The following MON2 variants were observed in gnomAD, a reference collection of about 807,000 sequenced individuals.
MON2 encodes the protein MON2 regulator of endosome-to-Golgi trafficking, also known as protein MON2 homolog.
MON2 carries 84 observed loss-of-function variants against 208.6 expected under a neutral mutation model. The observed-to-expected ratio is 0.40, with a 90% CI of 0.34 to 0.48. MON2 has a LOEUF of 0.48. MON2 is among the 20% of genes least tolerant of loss of function. MON2 has a pLI of 0.59. For synonymous variants in MON2, 660 were observed against 694.0 expected (o/e 0.95, Z 0.77); for missense variants, 1,611 against 2,015.4 (o/e 0.80, Z 3.84).
At chr12:62,473,453 T>G (rs2135953170) in intron 1 of MON2, among the ~76,000 whole-genome samples, 1 of 152,346 alleles carries the variant, frequency 6.6e-6, no homozygotes, top group East Asian at 1.9e-4. Context: ...TTGTTTACCT[T>G]GCTTCATTAT....
chr12:62,487,790 A>G (rs1374602615), intron 2 of MON2, among the ~76,000 whole-genome samples: 2 of 152,158 alleles, frequency 1.3e-5, no homozygotes, highest in African/African-American at 4.8e-5. Context: ...TGTAAGAATC[A>G]TTAGAGGAGA....
At chr12:62,472,245 G>A (rs1278865898) in intron 1 of MON2, among the ~76,000 whole-genome samples, 1 of 152,186 alleles carries the variant, frequency 6.6e-6, no homozygotes, top group African/African-American at 2.4e-5. Context: ...GGGTTGGGGA[G>A]TGAGAGAGCT....
chr12:62,467,162 G>T lies in MON2; in HGVS notation c.-46G>T. On this transcript the variant is annotated 5_prime_UTR_variant, in exon 1 of 35. Coordinates refer to ENST00000393630, the MANE Select transcript of MON2 (RefSeq NM_015026.3). ...TGGCCCTAAGGAGCTGACCGTGCCA[G>T]AGCTTGTTTGTACCTCTCGGAAATT... 6.5e-7 allele frequency: 1 copy of T among 1,547,392 alleles called. No homozygotes were observed. The highest frequency in any genetic ancestry group is 1.1e-5 in the South Asian group (1 of 89,320).
chr12:62,540,062 TC>T (rs2073165029), intron 19 of MON2, among the ~76,000 whole-genome samples: 1 of 152,230 alleles, frequency 6.6e-6, no homozygotes, highest in Non-Finnish European at 1.5e-5. Context: ...CTTTAATAAT[TC>T]TACATATTTG....
intron 22 of MON2, 75 bp downstream of exon 22, chr12:62,547,147 A>G: frequency 9.6e-7 from 1 of 1,046,046 alleles, no homozygotes; most frequent in East Asian, 3.1e-5. Context: ...TAACATCAAA[A>G]AAGTGATAGA....
chr12:62,470,667 GA>G (rs1330369714), intron 1 of MON2: 67 of 988,566 alleles, frequency 6.8e-5, no homozygotes, highest in Non-Finnish European at 8.2e-5. Context: ...TGTATTTCAT[GA>G]ATAAAAACTT....
intron 4 of MON2, among the ~76,000 whole-genome samples, chr12:62,497,310 A>C (rs1477884304): frequency 2.6e-5 from 4 of 152,170 alleles, no homozygotes; most frequent in African/African-American, 9.7e-5. Context: ...AACTTAAAGT[A>C]TAATAAAAAA....
At chr12:62,555,204 C>A (rs1348538069) in intron 24 of MON2, among the ~76,000 whole-genome samples, 1 of 151,874 alleles carries the variant, frequency 6.6e-6, no homozygotes, top group Non-Finnish European at 1.5e-5. Flanking sequence ...GAGACAGGAT[C>A]TCACTCTGTT....
intron 8 of MON2, among the ~76,000 whole-genome samples, chr12:62,518,528 GCT>G (rs1262977036): frequency 1.0e-3 from 155 of 152,082 alleles, no homozygotes; most frequent in African/African-American, 3.5e-3. Context: ...CTTAGTTCTC[GCT>G]CTCTTTTTTT....
At chr12:62,554,321 A>G (rs900773506) in intron 24 of MON2, among the ~76,000 whole-genome samples, 2 of 152,158 alleles carry the variant, frequency 1.3e-5, no homozygotes, top group Non-Finnish European at 2.9e-5. Context: ...TAAAGCACAG[A>G]TTTTTGAGCC....
chr12:62,490,785 T>C (rs2070086082), intron 2 of MON2, among the ~76,000 whole-genome samples: 1 of 152,190 alleles, frequency 6.6e-6, no homozygotes, highest in Non-Finnish European at 1.5e-5. Flanking sequence ...AGGGAAAAGA[T>C]GAGAAATAGA....
intron 1 of MON2, among the ~76,000 whole-genome samples, chr12:62,479,519 A>G (rs1438029423): frequency 7.0e-6 from 1 of 142,692 alleles, no homozygotes; most frequent in African/African-American, 2.5e-5. Context: ...GCTGTATGGT[A>G]TTACACAGGA....
At chr12:62,581,110 G>T (rs1055751265) in intron 32 of MON2, among the ~76,000 whole-genome samples, 2 of 152,130 alleles carry the variant, frequency 1.3e-5, no homozygotes, top group African/African-American at 4.8e-5. Context: ...ACAATCTTAG[G>T]GCTAGAGGCC....
intron 1 of MON2, among the ~76,000 whole-genome samples, chr12:62,468,963 T>G (rs878981835): frequency 6.6e-6 from 1 of 152,180 alleles, no homozygotes; most frequent in Non-Finnish European, 1.5e-5. Context: ...TTTTGTTTTT[T>G]GATTTTGGAA....
intron 7 of MON2, among the ~76,000 whole-genome samples, chr12:62,506,474 G>T (rs570497619): frequency 7.1e-4 from 108 of 152,276 alleles, no homozygotes; most frequent in Non-Finnish European, 1.1e-3. Flanking sequence ...GCTTATGCCT[G>T]TAATCACAGC....
chr12:62,560,003 T>C (rs1424611548), intron 25 of MON2: 2 of 152,822 alleles, frequency 1.3e-5, no homozygotes, highest in African/African-American at 4.8e-5. Context: ...AAGATGTTAC[T>C]GAAATGCTTT....
chr12:62,503,576 T>G (rs1053567125), intron 7 of MON2, among the ~76,000 whole-genome samples: 3 of 152,258 alleles, frequency 2.0e-5, no homozygotes, highest in African/African-American at 4.8e-5. Context: ...TCAGTTGATA[T>G]CCTCCTTATC....
intron 2 of MON2, among the ~76,000 whole-genome samples, chr12:62,486,184 G>T (rs185297107): frequency 3.3e-5 from 5 of 151,818 alleles, no homozygotes; most frequent in African/African-American, 1.2e-4. Context: ...TGTTGATACC[G>T]TGGTAAGTCC....
In MON2 at chr12:62,501,568, C is replaced by G. The variant is rs763855213; in HGVS notation, c.664-5C>G. Reference sequence around the variant, plus strand: ...CATGTGAAATTGTTCGATTTATTTTCCCAGGATCTTTGTCAGTTGGTTAAT... The same window carrying G: ...CATGTGAAATTGTTCGATTTATTTTGCCAGGATCTTTGTCAGTTGGTTAAT... On this transcript the variant is annotated splice_polypyrimidine_tract_variant and splice_region_variant and intron_variant, in intron 6 of 34. Transcript: ENST00000393630. The G allele has an allele frequency of 1.2e-6, 2 of 1,612,680 alleles. No homozygotes were observed. The highest frequency in any genetic ancestry group is 2.2e-5 in the South Asian group (2 of 90,914).
Sources: allele counts gnomAD v4.1 joint callset (sites outside exome capture counted in the v4.1 genomes callset), GRCh38; gene constraint gnomAD v4.1.1; transcripts MANE v1.5; gene names NCBI Gene and HGNC (gene_info 2026-07-23, HGNC 2026-07-21).